The following KLHL35 variants were observed in gnomAD, a reference collection of about 807,000 sequenced individuals.
The protein encoded by KLHL35 is kelch-like protein 35.
KLHL35 carries 50 observed loss-of-function variants against 44.0 expected under a neutral mutation model. The observed-to-expected ratio is 1.14, with a 90% CI of 0.91 to 1.44. The LOEUF (loss-of-function observed/expected upper bound fraction) is 1.44, where lower values mean the gene tolerates loss of function less well. KLHL35 is among the 40% of genes most tolerant of loss of function. KLHL35 has a pLI of 0.00. For synonymous variants in KLHL35, 470 were observed against 410.4 expected (o/e 1.15, Z -1.76); for missense variants, 1,049 against 887.8 (o/e 1.18, Z -2.31).
At position 75,428,518 on chromosome 11, in the gene KLHL35, G is replaced by C. The variant is rs747379821; in HGVS notation, c.990C>G (p.Thr330=). The C allele has an allele frequency of 9.3e-6, 15 of 1,612,258 alleles. No individual in the cohort carries two copies. The South Asian group carries it at 1.6e-4, about 18-fold the overall frequency. Residue 330 remains threonine (T), a synonymous_variant, in exon 3 of 7, where the codon ACC becomes ACG. Coordinates refer to ENST00000539798, the MANE Select transcript of KLHL35 (RefSeq NM_001039548.3). ...TGTAGCCGGGCAGGCTGGGCAGTGG[G>C]GTCCACCGCTGGCTCTCTGGATGGT... ...DAYHPESQRW[T]PLPSLPGYTR... is the part of the protein sequence containing the mutation.
intron 5 of KLHL35, 59 bp from the exon 6 acceptor site, chr11:75,423,939 C>A: frequency 7.6e-7 from 1 of 1,324,196 alleles, no homozygotes; most frequent in Non-Finnish European, 1.0e-6. Flanking sequence ...AATGCCCCAC[C>A]GCCCACATGC....
At chr11:75,425,325 T>G in intron 5 of KLHL35, 68 bp downstream of exon 5, 1 of 1,451,628 alleles carries the variant, frequency 6.9e-7, no homozygotes, top group Non-Finnish European at 9.1e-7. Flanking sequence ...AAACGCCCAA[T>G]TCTGCGCCTG....
At chr11:75,423,658 G>C in intron 6 of KLHL35, 34 bp downstream of exon 6, 2 of 1,587,696 alleles carry the variant, frequency 1.3e-6, no homozygotes, top group South Asian at 1.1e-5. Flanking sequence ...CTTAGAAGCG[G>C]GTTCCGCTCT....
chr11:75,427,385 G>A (rs1474891986), intron 3 of KLHL35, among the ~76,000 whole-genome samples: 1 of 152,142 alleles, frequency 6.6e-6, no homozygotes, highest in Non-Finnish European at 1.5e-5. Context: ...CCTCTCAATG[G>A]GAGCCTCCCT....
intron 3 of KLHL35, 97 bp downstream of exon 3, chr11:75,428,345 C>T (rs1366319348): frequency 7.2e-7 from 1 of 1,387,590 alleles, no homozygotes. Context: ...GAAAACATCC[C>T]GCCCCTCTCT....
chr11:75,431,797 A>G (rs1449881196), intron 1 of KLHL35, among the ~76,000 whole-genome samples: 4 of 152,196 alleles, frequency 2.6e-5, no homozygotes, highest in Non-Finnish European at 5.9e-5. Flanking sequence ...GGGCTGTATG[A>G]AAAGTGCTAG....
At position 75,428,584 on chromosome 11, in the gene KLHL35, G is replaced by T. The variant is rs778579171; in HGVS notation, c.924C>A (p.Cys308Ter). ...GCAGCTTCAGGAGACCTTTGCGGTC[G>T]CAACCGCCGATGACCACGATCACTT... ...LAEVIVVIGG[C>*]DRKGLLKLPF... The change falls in exon 3 of 7, where the codon TGC (cysteine) becomes TGA (stop). Residue 308 changes from cysteine to a stop codon, truncating the protein, a stop_gained. Coordinates refer to ENST00000539798, the MANE Select transcript of KLHL35 (RefSeq NM_001039548.3). LOFTEE classifies it high-confidence loss of function. 2 of 1,603,468 alleles carry T rather than the reference G, an allele frequency of 1.2e-6. No homozygotes were observed. The highest frequency in any genetic ancestry group is 2.2e-5 in the East Asian group (1 of 44,844).
rs554893168 is a variant in KLHL35, at chr11:75,430,318, G to C, written c.312C>G (p.Ala104=). The C allele has an allele frequency of 1.6e-6, 2 of 1,259,644 alleles. No homozygotes were observed. The highest frequency in any genetic ancestry group is 4.6e-5 in the South Asian group (2 of 43,714). The allele number at this position is 1,259,644 out of a possible 1,614,324, so 78.0% of individuals were successfully genotyped here. Residue 104 remains alanine (A), a synonymous_variant, in exon 2 of 7, where the codon GCC becomes GCG. Transcript: ENST00000539798. ...TSPAGAAAAL[A]VVLDYVYGAG... is the part of the protein sequence containing the mutation. ...CTCCGTACACGTAGTCGAGCACCACGGCCAGCGCCGCCGCCGCCCCGGCCG... is the reference window on the plus strand; with the variant it reads ...CTCCGTACACGTAGTCGAGCACCACCGCCAGCGCCGCCGCCGCCCCGGCCG...
At position 75,423,871 on chromosome 11, in the gene KLHL35, A is replaced by G; in HGVS notation, c.1384T>C (p.Phe462Leu). 6.2e-7 allele frequency: 1 copy of G among 1,612,840 alleles called. No homozygotes were observed. Among genetic ancestry groups the G allele is most frequent in the Non-Finnish European group, 8.5e-7 (1 of 1,179,254 alleles). ...CTCCACCGGTCCTCCTTGGGGTCAA[A>G]GCACTGCACCTGAGGGGCAAGAGCA... ...GGVNTDKVQCFDPKEDRWSLR... is the reference protein window; with the variant it reads ...GGVNTDKVQCLDPKEDRWSLR... Residue 462 changes from phenylalanine to leucine, a missense_variant, in exon 6 of 7, where the codon TTT becomes CTT. Physicochemically the swap from Phe to Leu is conservative, Grantham distance 22. Coordinates refer to ENST00000539798, the MANE Select transcript of KLHL35 (RefSeq NM_001039548.3).
intron 1 of KLHL35, 44 bp from the exon 2 acceptor site, chr11:75,430,674 C>T: frequency 2.3e-6 from 3 of 1,309,042 alleles, no homozygotes; most frequent in Non-Finnish European, 1.9e-6. Context: ...AGCCACCTGG[C>T]TGCGCCCGGG....
chr11:75,429,141 C>T (rs146326356), intron 2 of KLHL35, among the ~76,000 whole-genome samples: 1,975 of 152,326 alleles, frequency 0.013, 24 homozygotes, highest in Middle Eastern at 0.017. Flanking sequence ...TCCATTAAGC[C>T]GGATAACTCA....
Position 75,430,268 on chromosome 11 carries a change from T to A in KLHL35, c.362A>T (p.Asp121Val), listed in dbSNP as rs1948524825. 19 of 1,204,126 alleles carry A rather than the reference T, an allele frequency of 1.6e-5. No individual in the cohort carries two copies. The highest frequency in any genetic ancestry group is 2.0e-5 in the Non-Finnish European group (19 of 972,746). The allele number at this position is 1,204,126 out of a possible 1,614,324, so 74.6% of individuals were successfully genotyped here. The stretch of plus-strand genomic sequence containing the variant: ...CAGCGCCAGCACGGCCGCCGCCTCG[T>A]CCTCCGCGCGCAGCCGCACGCCCGC... The part of the protein sequence containing the change: ...YGAGVRLRAE[D>V]EAAAVLALAE... The change falls in exon 2 of 7, where the codon GAC (aspartate) becomes GTC (valine). Residue 121 changes from aspartate (D) to valine (V), a missense_variant. Coordinates refer to ENST00000539798, the MANE Select transcript of KLHL35 (RefSeq NM_001039548.3).
In KLHL35 at chr11:75,425,476, C is replaced by CGGCCT; in HGVS notation, c.1286_1290dup (p.Val431ArgfsTer3). 1 of 1,573,006 alleles carries CGGCCT rather than the reference C, an allele frequency of 6.4e-7. No individual in the cohort carries two copies. The highest frequency in any genetic ancestry group is 8.6e-7 in the Non-Finnish European group (1 of 1,164,964). ...CAGGACGCCACCGCCGCCGAGCTCA[C>CGGCCT]GGCCTCCGGGAGGGGCGCGGCGGCC... On this transcript the variant is annotated frameshift_variant, in exon 5 of 7. Coordinates refer to ENST00000539798, the MANE Select transcript of KLHL35 (RefSeq NM_001039548.3). LOFTEE classifies it high-confidence loss of function.
intron 3 of KLHL35, chr11:75,426,897 T>G (rs75851632): frequency 0.098 from 30,460 of 310,878 alleles, 1,815 homozygotes; most frequent in South Asian, 0.25. Flanking sequence ...GGGCACCTTG[T>G]GGTGGTGGTG....
chr11:75,423,550 C>G (rs957473473), intron 6 of KLHL35, 142 bp downstream of exon 6: 3 of 731,392 alleles, frequency 4.1e-6, no homozygotes, highest in Non-Finnish European at 6.9e-6. Flanking sequence ...CTGTGAAATG[C>G]ATGGTTCACT....
intron 5 of KLHL35, chr11:75,424,245 C>T (rs566231057): frequency 1.4e-4 from 32 of 229,514 alleles, no homozygotes; most frequent in Non-Finnish European, 2.3e-4. Flanking sequence ...AGAACACAGT[C>T]GCCTCATGTT....
chr11:75,426,408 T>TG (rs1276805060), intron 4 of KLHL35, 112 bp downstream of exon 4: 1 of 631,848 alleles, frequency 1.6e-6, no homozygotes, highest in Non-Finnish European at 2.7e-6. Flanking sequence ...TCTCCTTTTT[T>TG]GGGGGGCTTC....
intron 6 of KLHL35, chr11:75,423,302 G>A (rs914877555): frequency 4.9e-6 from 1 of 202,644 alleles, no homozygotes; most frequent in East Asian, 1.2e-4. Context: ...TCCAGGACTT[G>A]GGCCTCCCTG....
Position 75,430,481 on chromosome 11 carries a change from C to T in KLHL35, c.149G>A (p.Arg50His). The T allele has an allele frequency of 7.1e-7, 1 of 1,403,660 alleles. No individual in the cohort carries two copies. The highest frequency in any genetic ancestry group is 1.5e-5 in the South Asian group (1 of 66,884). 87.0% of individuals were successfully genotyped at this position (1,403,660 alleles called of 1,614,324 possible). Residue 50 changes from arginine (R) to histidine (H), a missense_variant, in exon 2 of 7, where the codon CGC becomes CAC. By Grantham distance (29) the Arg-to-His change is conservative (BLOSUM62 0). Coordinates refer to ENST00000539798, the MANE Select transcript of KLHL35 (RefSeq NM_001039548.3). ...CGCCGCGCGGTGGCACGGAAAGTCG[C>T]GCCCGCCGGCGCGCAGCACCACGTC... ...LTDVVLRAGG[R>H]DFPCHRAALS... is the part of the protein sequence containing the mutation.
Sources: allele counts gnomAD v4.1 joint callset (sites outside exome capture counted in the v4.1 genomes callset), GRCh38; gene constraint gnomAD v4.1.1; transcripts MANE v1.5; gene names NCBI Gene and HGNC (gene_info 2026-07-23, HGNC 2026-07-21).